The following NRG3 variants were observed in gnomAD, a reference collection of about 807,000 sequenced individuals.
NRG3 encodes pro-neuregulin-3, membrane-bound isoform.
NRG3 carries 31 observed loss-of-function variants against 66.9 expected under a neutral mutation model. The observed-to-expected ratio is 0.46, with a 90% CI of 0.35 to 0.63. NRG3 has a LOEUF of 0.63. Among genes scored for constraint, NRG3 ranks in the 20% least tolerant of loss-of-function variants. NRG3 has a pLI of 0.00. For synonymous variants in NRG3, 393 were observed against 359.4 expected (o/e 1.09, Z -1.06); for missense variants, 910 against 878.9 (o/e 1.04, Z -0.45).
At chr10:82,548,436 A>G (rs2044077051) in intron 2 of NRG3, among the ~76,000 whole-genome samples, 1 of 150,650 alleles carries the variant, frequency 6.6e-6, no homozygotes, top group Non-Finnish European at 1.5e-5. Flanking sequence ...ATTGATACTT[A>G]TTGTCTGAAT....
intron 2 of NRG3, among the ~76,000 whole-genome samples, chr10:82,671,215 G>A (rs1256498543): frequency 6.6e-6 from 1 of 152,160 alleles, no homozygotes; most frequent in Non-Finnish European, 1.5e-5. Context: ...TGACTCCTTT[G>A]TCTCTTTCTT....
chr10:82,488,114 G>C lies in NRG3; in HGVS notation c.953+129246G>C, dbSNP rs559679857. Among the ~76,000 whole-genome samples, 3 of 152,242 alleles carry C rather than the reference G, an allele frequency of 2.0e-5. No homozygotes were observed. In the South Asian group the frequency reaches 6.2e-4, roughly 32 times the overall value. ...GAGATATAATTATGAGCCTGTTCTT[G>C]GTTGTTTATTGCATGAAGTTGGCTA... On this transcript the variant is annotated intron_variant, in intron 2 of 8. Transcript: ENST00000372141.
At chr10:82,942,184 T>C (rs531875545) in intron 4 of NRG3, among the ~76,000 whole-genome samples, 1 of 152,258 alleles carries the variant, frequency 6.6e-6, no homozygotes, top group South Asian at 2.1e-4. Flanking sequence ...GGAGGTGCCA[T>C]TTAGAACAGT....
chr10:82,856,692 C>T (rs1204054117), intron 3 of NRG3, among the ~76,000 whole-genome samples: 3 of 132,000 alleles, frequency 2.3e-5, no homozygotes, highest in East Asian at 2.3e-4. Flanking sequence ...TGCAGTGAGC[C>T]GAGATTGTGC....
intron 2 of NRG3, among the ~76,000 whole-genome samples, chr10:82,573,551 A>G (rs1237017469): frequency 6.6e-6 from 1 of 151,794 alleles, no homozygotes; most frequent in Admixed American, 6.6e-5. Flanking sequence ...ATTCCTTTAT[A>G]TTATTGCATA....
chr10:82,785,055 A>G (rs926820407), intron 3 of NRG3, among the ~76,000 whole-genome samples: 1 of 152,086 alleles, frequency 6.6e-6, no homozygotes, highest in Non-Finnish European at 1.5e-5. Flanking sequence ...TCCTTTGTAG[A>G]GACATGGATG....
At chr10:82,093,411 T>G (rs1194753947) in intron 1 of NRG3, among the ~76,000 whole-genome samples, 1 of 152,230 alleles carries the variant, frequency 6.6e-6, no homozygotes, top group Non-Finnish European at 1.5e-5. Context: ...TCTCTTTAAC[T>G]TGGGTTATGA....
intron 1 of NRG3, among the ~76,000 whole-genome samples, chr10:82,173,784 G>C (rs965531830): frequency 6.6e-6 from 1 of 151,790 alleles, no homozygotes; most frequent in Non-Finnish European, 1.5e-5. Context: ...TAAAAGGCAT[G>C]CTCCAAAGTG....
At chr10:82,374,338 G>A (rs1402181174) in intron 2 of NRG3, among the ~76,000 whole-genome samples, 1 of 152,174 alleles carries the variant, frequency 6.6e-6, no homozygotes, top group Non-Finnish European at 1.5e-5. Context: ...CCCACCAGTA[G>A]GTAGGAGGTC....
chr10:82,916,741 C>T (rs1275946690), intron 4 of NRG3, among the ~76,000 whole-genome samples: 1 of 151,970 alleles, frequency 6.6e-6, no homozygotes, highest in Non-Finnish European at 1.5e-5. Context: ...TCAGCCTCCC[C>T]AGTACCTAGG....
At chr10:82,714,136 A>G (rs2056836094) in intron 2 of NRG3, among the ~76,000 whole-genome samples, 1 of 152,224 alleles carries the variant, frequency 6.6e-6, no homozygotes, top group Non-Finnish European at 1.5e-5. Flanking sequence ...ATGTATTACT[A>G]TGTACAATCT....
At chr10:82,197,173 A>G (rs537246677) in intron 1 of NRG3, among the ~76,000 whole-genome samples, 63 of 152,164 alleles carry the variant, frequency 4.1e-4, no homozygotes, top group Non-Finnish European at 8.8e-4. Context: ...GGAGGCAGAA[A>G]CTTCATTGAT....
intron 1 of NRG3, among the ~76,000 whole-genome samples, chr10:81,966,735 T>A (rs77367736): frequency 2.0e-5 from 3 of 152,214 alleles, no homozygotes; most frequent in Admixed American, 2.0e-4. Context: ...ATACCAACTT[T>A]CTCAGTGGTT....
chr10:82,581,925 C>CT (rs1238252146), intron 2 of NRG3, among the ~76,000 whole-genome samples: 1 of 139,752 alleles, frequency 7.2e-6, no homozygotes, highest in Non-Finnish European at 1.6e-5. Context: ...TTTAGATACA[C>CT]TTTTTTTGCA....
At chr10:82,425,743 T>G (rs570522322) in intron 2 of NRG3, among the ~76,000 whole-genome samples, 1 of 152,304 alleles carries the variant, frequency 6.6e-6, no homozygotes, top group South Asian at 2.1e-4. Flanking sequence ...GTTTACTGTT[T>G]GTTGTAGTTA....
chr10:82,673,776 C>T (rs2053470662), intron 2 of NRG3, among the ~76,000 whole-genome samples: 1 of 152,154 alleles, frequency 6.6e-6, no homozygotes, highest in Admixed American at 6.5e-5. Flanking sequence ...AAGATACCAA[C>T]TAGAAAGTTA....
chr10:82,046,119 C>T (rs1004994485), intron 1 of NRG3, among the ~76,000 whole-genome samples: 3 of 142,512 alleles, frequency 2.1e-5, no homozygotes, highest in Non-Finnish European at 4.6e-5. Flanking sequence ...TCATTGGTAG[C>T]TTTATGGGGA....
At chr10:82,660,599 C>G (rs1377736874) in intron 2 of NRG3, among the ~76,000 whole-genome samples, 1 of 152,092 alleles carries the variant, frequency 6.6e-6, no homozygotes, top group Admixed American at 6.6e-5. Context: ...TTTTGACTAC[C>G]AACCATCTCT....
intron 2 of NRG3, among the ~76,000 whole-genome samples, chr10:82,566,088 AT>A (rs1238513896): frequency 6.6e-6 from 1 of 152,094 alleles, no homozygotes; most frequent in African/African-American, 2.4e-5. Context: ...AGGATAATGC[AT>A]GCAAAGCTCC....
Sources: allele counts gnomAD v4.1 joint callset (sites outside exome capture counted in the v4.1 genomes callset), GRCh38; gene constraint gnomAD v4.1.1; transcripts MANE v1.5; gene names NCBI Gene and HGNC (gene_info 2026-07-23, HGNC 2026-07-21).